SLC4A4: variants seen among roughly 807,000 people sequenced by gnomAD.
The protein encoded by SLC4A4 is solute carrier family 4 member 4.
In SLC4A4, 27 loss-of-function variants were observed where a neutral mutation model predicts 111.5. The ratio of observed to expected loss-of-function variants is 0.24; its 90% CI spans 0.18 to 0.33. SLC4A4 has a LOEUF of 0.33. Among genes scored for constraint, SLC4A4 ranks in the 10% least tolerant of loss-of-function variants. SLC4A4 has a pLI of 1.00. For synonymous variants in SLC4A4, 443 were observed against 463.4 expected (o/e 0.96, Z 0.57); for missense variants, 909 against 1,315.5 (o/e 0.69, Z 4.78).
In SLC4A4 at chr4:71,339,627, G is replaced by T. The variant is rs1045106772; in HGVS notation, c.389+122G>T. 7 of 891,620 alleles carry T rather than the reference G, an allele frequency of 7.9e-6. No homozygotes were observed. In the African/African-American group the frequency reaches 1.1e-4, roughly 15 times the overall value. The allele number at this position is 891,620 out of a possible 1,614,324, so 55.2% of individuals were successfully genotyped here. A position where few individuals can be genotyped will look rare whatever the true frequency, so the allele number is the denominator to read the frequency against. ...TGAATGGCCAATGGGCATGATGTTGGCTGGGATAAGGAGTAAATAATTCTA... is the reference window on the plus strand; with the variant it reads ...TGAATGGCCAATGGGCATGATGTTGTCTGGGATAAGGAGTAAATAATTCTA... On this transcript the variant is annotated intron_variant, in intron 4 of 25. Transcript: ENST00000264485.
chr4:71,497,379 T>G (rs901822467), intron 15 of SLC4A4, 122 bp from the exon 16 acceptor site: 1 of 787,458 alleles, frequency 1.3e-6, no homozygotes, highest in East Asian at 2.7e-5. Flanking sequence ...CACCCTCCAG[T>G]GCTTATTTTC....
At chr4:71,395,934 C>A (rs1719785620) in intron 6 of SLC4A4, among the ~76,000 whole-genome samples, 1 of 152,242 alleles carries the variant, frequency 6.6e-6, no homozygotes. Flanking sequence ...CTTATTCAGG[C>A]AGAACTTTTA....
chr4:71,301,324 G>C (rs1725238962), intron 3 of SLC4A4: 1 of 235,610 alleles, frequency 4.2e-6, no homozygotes, highest in East Asian at 1.5e-4. Flanking sequence ...GGATACTGAG[G>C]ATCAGAGTCA....
At chr4:71,487,140 C>A in intron 15 of SLC4A4, 122 bp downstream of exon 15, 12 of 575,212 alleles carry the variant, frequency 2.1e-5, no homozygotes, top group South Asian at 4.3e-5. Flanking sequence ...ACATACGTAA[C>A]AATTATTGAC....
chr4:71,438,396 A>G lies in SLC4A4; in HGVS notation c.808-2220A>G, dbSNP rs148214059. On this transcript the variant is annotated intron_variant, in intron 7 of 25. Coordinates refer to ENST00000264485, the MANE Select transcript of SLC4A4 (RefSeq NM_001098484.3). ...TAAAAAGTCAATATTACAATGTGAT[A>G]ATAAGACTTGTCCTAACTACTTTAC... is the stretch of plus-strand genomic sequence containing the variant. 3.0e-3 allele frequency among the ~76,000 whole-genome samples: 456 copies of G among 152,348 alleles called. 4 individuals are homozygous for G. The highest frequency in any genetic ancestry group is 6.8e-3 in the Middle Eastern group (2 of 294).
At chr4:71,165,663 C>T (rs1319721208) in intron 2 of SLC4A4, among the ~76,000 whole-genome samples, 2 of 152,044 alleles carry the variant, frequency 1.3e-5, no homozygotes, top group Non-Finnish European at 2.9e-5. Flanking sequence ...TGTAACAAAC[C>T]TGCACATTCT....
intron 18 of SLC4A4, among the ~76,000 whole-genome samples, chr4:71,539,783 A>G (rs1000629193): frequency 2.0e-5 from 3 of 152,036 alleles, no homozygotes; most frequent in Admixed American, 2.0e-4. Flanking sequence ...ACCATGTTTT[A>G]TTCCTCTTTT....
At chr4:71,497,721 A>T in intron 16 of SLC4A4, 29 bp downstream of exon 16, 1 of 1,564,616 alleles carries the variant, frequency 6.4e-7, no homozygotes. Context: ...AATGATTTTC[A>T]TTGGATTTAC....
chr4:71,333,147 T>C (rs1728154449), intron 3 of SLC4A4, among the ~76,000 whole-genome samples: 1 of 152,252 alleles, frequency 6.6e-6, no homozygotes. Context: ...GGCTTGTTTG[T>C]ACCTGTCTTG....
At chr4:71,433,535 C>T (rs552208341) in intron 7 of SLC4A4, among the ~76,000 whole-genome samples, 65 of 151,844 alleles carry the variant, frequency 4.3e-4, no homozygotes, top group African/African-American at 1.5e-3. Flanking sequence ...GGATATTAGC[C>T]CTGTGTCAGA....
In SLC4A4 at chr4:71,346,081, C is replaced by CT. The variant is rs570516377; in HGVS notation, c.390-3822dup. Among the ~76,000 whole-genome samples the CT allele has an allele frequency of 8.0e-3, 1,202 of 150,922 alleles. 17 individuals carry two copies. The highest frequency in any genetic ancestry group is 0.026 in the African/African-American group (1,061 of 41,180). On this transcript the variant is annotated intron_variant, in intron 4 of 25. Coordinates refer to ENST00000264485, the MANE Select transcript of SLC4A4 (RefSeq NM_001098484.3). ...ACTGATATGTTATTAAGTTAGAGGT[C>CT]TTTTTTTTTCTTAATTATATTTAAT... is the stretch of plus-strand genomic sequence containing the variant.
At chr4:71,268,615 A>G (rs1722477317) in intron 3 of SLC4A4, among the ~76,000 whole-genome samples, 1 of 152,200 alleles carries the variant, frequency 6.6e-6, no homozygotes. Context: ...ATTTTTGTTC[A>G]TTGTACTTTT....
At chr4:71,322,410 A>G (rs1474873669) in intron 3 of SLC4A4, among the ~76,000 whole-genome samples, 2 of 151,972 alleles carry the variant, frequency 1.3e-5, no homozygotes, top group Non-Finnish European at 2.9e-5. Flanking sequence ...AAAGCATCCA[A>G]TGGCAGCATT....
chr4:71,133,071 G>A (rs1286446908), intron 2 of SLC4A4, among the ~76,000 whole-genome samples: 1 of 152,170 alleles, frequency 6.6e-6, no homozygotes, highest in Non-Finnish European at 1.5e-5. Context: ...TAACCAGGGT[G>A]AGATTTGTAG....
intron 1 of SLC4A4, among the ~76,000 whole-genome samples, chr4:71,081,545 G>A (rs1277530182): frequency 6.6e-6 from 1 of 152,116 alleles, no homozygotes; most frequent in Non-Finnish European, 1.5e-5. Flanking sequence ...GTGAGAAAAA[G>A]GATGTTTCCT....
intron 5 of SLC4A4, among the ~76,000 whole-genome samples, chr4:71,353,338 G>C (rs559064427): frequency 6.6e-6 from 1 of 152,158 alleles, no homozygotes; most frequent in African/African-American, 2.4e-5. Context: ...AGCCAGTGCT[G>C]TCATTCTGGA....
chr4:71,369,783 A>G (rs767490838), intron 6 of SLC4A4, among the ~76,000 whole-genome samples: 1 of 152,224 alleles, frequency 6.6e-6, no homozygotes, highest in East Asian at 1.9e-4. Context: ...TAAACTGAGT[A>G]TATGTGATAT....
At chr4:71,288,407 A>AT (rs112503573) in intron 3 of SLC4A4, among the ~76,000 whole-genome samples, 21,190 of 145,576 alleles carry the variant, frequency 0.15, 2,269 homozygotes, top group African/African-American at 0.27. Context: ...AGGGTAGGGG[A>AT]TTTTTTTTTT....
chr4:71,486,932 T>C lies in SLC4A4; in HGVS notation c.1904-16T>C. On this transcript the variant is annotated splice_polypyrimidine_tract_variant and intron_variant, in intron 14 of 25. Transcript: ENST00000264485. ...TTTTAGTTTTATAGTATAAAATAAT[T>C]ATCTTTTGCTTACAGCTAATATCTC... 6.5e-7 allele frequency: 1 copy of C among 1,545,382 alleles called. No individual in the cohort carries two copies. Among genetic ancestry groups the C allele is most frequent in the Non-Finnish European group, 8.9e-7 (1 of 1,122,020 alleles).
Sources: allele counts gnomAD v4.1 joint callset (sites outside exome capture counted in the v4.1 genomes callset), GRCh38; gene constraint gnomAD v4.1.1; transcripts MANE v1.5; gene names NCBI Gene and HGNC (gene_info 2026-07-23, HGNC 2026-07-21).